The following SPAG9 variants were observed in gnomAD, a reference collection of about 807,000 sequenced individuals.
The protein encoded by SPAG9 is C-Jun-amino-terminal kinase-interacting protein 4.
A neutral mutation model predicts 166.5 loss-of-function variants in SPAG9; 35 were observed. The observed-to-expected ratio is 0.21, with a 90% CI of 0.16 to 0.28. The LOEUF (loss-of-function observed/expected upper bound fraction) is 0.28. Among genes scored for constraint, SPAG9 ranks in the 10% least tolerant of loss-of-function variants. The pLI is 1.00. For missense variants in SPAG9, 1,235 were observed against 1,603.3 expected (o/e 0.77, Z 3.92); for synonymous variants, 534 against 565.5 (o/e 0.94, Z 0.79).
chr17:51,023,751 A>T (rs567846786), intron 6 of SPAG9, among the ~76,000 whole-genome samples: 2 of 152,174 alleles, frequency 1.3e-5, no homozygotes, highest in Admixed American at 1.3e-4. Flanking sequence ...TGCAACCTCC[A>T]CCTTCCAGGC....
rs1421339718 is a variant in SPAG9, at chr17:51,071,879, A to G, written c.424+7705T>C. 2.6e-5 allele frequency among the ~76,000 whole-genome samples: 4 copies of G among 151,250 alleles called. No homozygotes were observed. The East Asian group carries it at 7.8e-4, about 29-fold the overall frequency. ...TTGACAAACTCAGTCTTTTAAAATT[A>G]AAGACACTAATACACTGTATAAACA... is the stretch of plus-strand genomic sequence containing the variant. On this transcript the variant is annotated intron_variant, in intron 2 of 29. Transcript: ENST00000262013.
At chr17:51,091,829 T>C (rs1426143933) in intron 1 of SPAG9, among the ~76,000 whole-genome samples, 1 of 148,492 alleles carries the variant, frequency 6.7e-6, no homozygotes, top group Non-Finnish European at 1.5e-5. Flanking sequence ...AAAAAAAAAA[T>C]CAGTGGACAA....
At position 51,120,809 on chromosome 17, in the gene SPAG9, C is replaced by T. The variant is rs959407587; in HGVS notation, c.-153G>A. 2 of 516,306 alleles carry T rather than the reference C, an allele frequency of 3.9e-6. No individual in the cohort carries two copies. Among genetic ancestry groups the T allele is most frequent in the South Asian group, 4.1e-5 (1 of 24,474 alleles). 32.0% of individuals were successfully genotyped at this position (516,306 alleles called of 1,614,324 possible). A position where few individuals can be genotyped will look rare whatever the true frequency, so the allele number is the denominator to read the frequency against. On this transcript the variant is annotated 5_prime_UTR_variant, in exon 1 of 30. Transcript: ENST00000262013. The surrounding 1 kb of genome is among the most constrained non-coding windows in gnomAD (Gnocchi z 4.7). ...GGGCCCGGCGGGGTGGGGGCCGGGG[C>T]CGGAGGAGGGGAGGGGTGGCGTAGG...
chr17:51,037,482 G>C (rs571267043), intron 5 of SPAG9, among the ~76,000 whole-genome samples: 25 of 150,954 alleles, frequency 1.7e-4, no homozygotes, highest in Non-Finnish European at 3.4e-4. Flanking sequence ...GCACGGTGGT[G>C]GACGTCTGTA....
At chr17:50,975,227 T>TAA in intron 27 of SPAG9, 6 of 288,696 alleles carry the variant, frequency 2.1e-5, no homozygotes, top group South Asian at 6.4e-5. Context: ...TAATTTTAGT[T>TAA]AAAAAAAAAA....
At chr17:51,042,861 G>A (rs1346457169) in intron 4 of SPAG9, among the ~76,000 whole-genome samples, 1 of 152,116 alleles carries the variant, frequency 6.6e-6, no homozygotes, top group Non-Finnish European at 1.5e-5. Context: ...TGATTTAGGG[G>A]GAAAATTCAA....
Position 51,120,339 on chromosome 17 carries a change from T to C in SPAG9, c.303+15A>G. 1 of 1,513,980 alleles carries C rather than the reference T, an allele frequency of 6.6e-7. No homozygotes were observed. Among genetic ancestry groups the C allele is most frequent in the Non-Finnish European group, 8.9e-7 (1 of 1,127,208 alleles). 93.8% of individuals were successfully genotyped at this position (1,513,980 alleles called of 1,614,324 possible). ...GAGACGGATCCCGCGGCCCCCGCCC[T>C]GCCGCCGGCCTCACCTCCTCAGCGT... On this transcript the variant is annotated intron_variant, in intron 1 of 29. Transcript: ENST00000262013. The surrounding 1 kb of genome is among the most constrained non-coding windows in gnomAD (Gnocchi z 4.7).
intron 1 of SPAG9, among the ~76,000 whole-genome samples, chr17:51,087,332 A>G (rs1253260795): frequency 1.3e-5 from 2 of 152,230 alleles, no homozygotes; most frequent in East Asian, 1.9e-4. Context: ...AAACATTGAT[A>G]TAAGAATTTA....
chr17:50,995,659 GTTTTTTGT>G (rs962537020), intron 16 of SPAG9, 126 bp from the exon 17 acceptor site: 15 of 668,546 alleles, frequency 2.2e-5, no homozygotes, highest in Middle Eastern at 2.5e-4. Context: ...TCAAGTTCAG[GTTTTTTGT>G]TTTTTTGTTT....
rs71149344 is a variant in SPAG9 at position 51,106,102 on chromosome 17, T to TACACACACACACACACACAC, written c.303+14232_303+14251dup. Among the ~76,000 whole-genome samples the TACACACACACACACACACAC allele has an allele frequency of 1.0e-3, 115 of 110,652 alleles. 1 individual carries two copies. Among genetic ancestry groups the TACACACACACACACACACAC allele is most frequent in the African/African-American group, 1.2e-3 (33 of 28,252 alleles). The allele number at this position is 110,652 out of a possible 152,430, so 72.6% of individuals were successfully genotyped here. ...GGCAACACAGCAAGACCCCCATCTCTACACACACACACACACACACACACA... is the reference window on the plus strand; with the variant it reads ...GGCAACACAGCAAGACCCCCATCTCTACACACACACACACACACACACACACACACACACACACACACACA... On this transcript the variant is annotated intron_variant, in intron 1 of 29. Coordinates refer to ENST00000262013, the MANE Select transcript of SPAG9 (RefSeq NM_001130528.3).
At chr17:51,042,759 C>T (rs1035989497) in intron 4 of SPAG9, among the ~76,000 whole-genome samples, 2 of 152,088 alleles carry the variant, frequency 1.3e-5, no homozygotes, top group African/African-American at 2.4e-5. Flanking sequence ...TATCCCAATG[C>T]CTTCTTAAAA....
chr17:51,092,218 T>C (rs1008467120), intron 1 of SPAG9, among the ~76,000 whole-genome samples: 3 of 152,066 alleles, frequency 2.0e-5, no homozygotes, highest in African/African-American at 7.2e-5. Context: ...TAAGACAGGA[T>C]TGAAGACCAT....
At chr17:51,020,061 A>C in intron 8 of SPAG9, 98 bp downstream of exon 8, 6 of 694,276 alleles carry the variant, frequency 8.6e-6, no homozygotes, top group African/African-American at 1.8e-5. Context: ...TCTTCAACAA[A>C]ACATCTGAAT....
chr17:51,094,164 G>C (rs1173830322), intron 1 of SPAG9, among the ~76,000 whole-genome samples: 2 of 152,144 alleles, frequency 1.3e-5, no homozygotes, highest in African/African-American at 4.8e-5. Context: ...AAGGACCATG[G>C]GATATTGAAA....
At chr17:51,058,774 A>C (rs2047425489) in intron 2 of SPAG9, among the ~76,000 whole-genome samples, 1 of 152,208 alleles carries the variant, frequency 6.6e-6, no homozygotes, top group African/African-American at 2.4e-5. Flanking sequence ...CAACACACCA[A>C]GTGCCAGTAT....
intron 1 of SPAG9, among the ~76,000 whole-genome samples, chr17:51,086,056 C>CGG (rs1300051944): frequency 6.7e-6 from 1 of 150,118 alleles, no homozygotes; most frequent in Non-Finnish European, 1.5e-5. Context: ...GCAACCTCCA[C>CGG]CTCTTGGGTT....
intron 1 of SPAG9, among the ~76,000 whole-genome samples, chr17:51,099,517 A>G (rs540051242): frequency 2.6e-5 from 4 of 151,946 alleles, no homozygotes; most frequent in African/African-American, 9.6e-5. Context: ...CAGCATGCAA[A>G]AAGTTTCAGA....
intron 2 of SPAG9, among the ~76,000 whole-genome samples, chr17:51,073,866 G>A (rs2047891701): frequency 6.6e-6 from 1 of 152,220 alleles, no homozygotes; most frequent in Non-Finnish European, 1.5e-5. Context: ...ACTTTGGGAG[G>A]CCGAGGTGGG....
chr17:51,104,801 C>T (rs1319587534), intron 1 of SPAG9, among the ~76,000 whole-genome samples: 3 of 151,396 alleles, frequency 2.0e-5, no homozygotes, highest in South Asian at 2.1e-4. Context: ...GGCGTGGTAG[C>T]GGGCGCCTGT....
Sources: allele counts gnomAD v4.1 joint callset (sites outside exome capture counted in the v4.1 genomes callset), GRCh38; gene constraint gnomAD v4.1.1; non-coding constraint Gnocchi (gnomAD v3.1); transcripts MANE v1.5; gene names NCBI Gene and HGNC (gene_info 2026-07-23, HGNC 2026-07-21).